Variants in LARP1B observed in about 807,000 individuals in gnomAD.
The protein encoded by LARP1B is La ribonucleoprotein 1B, also known as la-related protein 1B.
Under a neutral mutation model 114.2 loss-of-function variants are expected in LARP1B, and 76 were observed. That is an observed-to-expected ratio of 0.67 (90% CI 0.55 to 0.81). The LOEUF (loss-of-function observed/expected upper bound fraction) is 0.81. Ranked by LOEUF, LARP1B falls within the 30% of genes least tolerant of loss-of-function variation. The pLI is 0.00. For missense variants in LARP1B, 1,014 were observed against 1,075.8 expected (o/e 0.94, Z 0.80); for synonymous variants, 345 against 348.0 (o/e 0.99, Z 0.10).
At chr4:128,196,248 C>CAAAAAAAAAAA (rs35423896) in intron 15 of LARP1B, among the ~76,000 whole-genome samples, 4 of 88,610 alleles carry the variant, frequency 4.5e-5, no homozygotes, top group African/African-American at 8.8e-5. Flanking sequence ...GAGAGTCTGT[C>CAAAAAAAAAAA]AAAAAAAAAA....
intron 2 of LARP1B, 126 bp downstream of exon 2, chr4:128,074,644 T>A (rs1767086041): frequency 3.7e-6 from 1 of 272,184 alleles, no homozygotes; most frequent in African/African-American, 2.2e-5. Context: ...AAAGTTAATA[T>A]TATGGAAAAT....
intron 7 of LARP1B, among the ~76,000 whole-genome samples, chr4:128,094,149 A>T (rs1776976139): frequency 2.0e-5 from 3 of 147,484 alleles, no homozygotes; most frequent in African/African-American, 7.5e-5. Flanking sequence ...CTGGTCTCGA[A>T]CTCCTGACCT....
intron 15 of LARP1B, among the ~76,000 whole-genome samples, chr4:128,197,410 T>A (rs1359678742): frequency 6.6e-6 from 1 of 152,210 alleles, no homozygotes. Flanking sequence ...CTCATTTTTT[T>A]ATCAGCTGGG....
chr4:128,077,223 G>A (rs767552082), intron 3 of LARP1B, among the ~76,000 whole-genome samples: 16 of 152,174 alleles, frequency 1.1e-4, no homozygotes, highest in Admixed American at 2.6e-4. Context: ...GGAAGGCTGG[G>A]TGCAATGGGT....
intron 11 of LARP1B, among the ~76,000 whole-genome samples, chr4:128,161,229 T>G (rs546195182): frequency 6.6e-6 from 1 of 152,166 alleles, no homozygotes; most frequent in African/African-American, 2.4e-5. Context: ...GGTTCAACCT[T>G]TAGGGTTCAA....
intron 15 of LARP1B, among the ~76,000 whole-genome samples, chr4:128,192,623 A>G (rs1438940982): frequency 3.3e-5 from 5 of 152,178 alleles, no homozygotes; most frequent in South Asian, 2.1e-4. Flanking sequence ...TACTTGAGCT[A>G]TGGTTTTTAC....
intron 11 of LARP1B, among the ~76,000 whole-genome samples, chr4:128,153,352 T>C (rs1016368204): frequency 2.0e-5 from 3 of 150,722 alleles, no homozygotes; most frequent in Non-Finnish European, 2.9e-5. Context: ...ACTCTCAGTC[T>C]GTCGCCCAGG....
At chr4:128,114,513 T>G in intron 9 of LARP1B, 57 bp from the exon 10 acceptor site, 1 of 1,304,972 alleles carries the variant, frequency 7.7e-7, no homozygotes. Flanking sequence ...TGAAGTGTAT[T>G]TTGTAAGTAA....
At chr4:128,206,755 T>C (rs1335953453) in intron 18 of LARP1B, 2 of 985,258 alleles carry the variant, frequency 2.0e-6, no homozygotes, top group African/African-American at 3.5e-5. Context: ...CTTTCTTTTA[T>C]GGAGGTATAT....
At chr4:128,087,960 T>G (rs190601415) in intron 5 of LARP1B, among the ~76,000 whole-genome samples, 3 of 152,230 alleles carry the variant, frequency 2.0e-5, no homozygotes, top group East Asian at 1.9e-4. Flanking sequence ...AAGTAATGGA[T>G]TCTCATAATT....
Position 128,199,570 on chromosome 4 carries a change from A to G in LARP1B, c.2135A>G (p.Tyr712Cys). The change falls in exon 16 of 20, where the codon TAC becomes TGC. Residue 712 changes from tyrosine to cysteine, a missense_variant. Tyr to Cys is a radical substitution (Grantham distance 194). Transcript: ENST00000326639. Reference sequence around the variant, plus strand: ...GAAAATGGCTTTACCCAACAAGTGTACCACAAGTATCGTCGAAGATGCCTA... The same window carrying G: ...GAAAATGGCTTTACCCAACAAGTGTGCCACAAGTATCGTCGAAGATGCCTA... ...LKENGFTQQV[Y>C]HKYRRRCLSE... The G allele has an allele frequency of 6.3e-7, 1 of 1,579,760 alleles. No individual in the cohort carries two copies. Among genetic ancestry groups the G allele is most frequent in the South Asian group, 1.2e-5 (1 of 82,554 alleles).
chr4:128,140,675 A>G (rs1394071985), intron 11 of LARP1B, among the ~76,000 whole-genome samples: 1 of 152,172 alleles, frequency 6.6e-6, no homozygotes, highest in Non-Finnish European at 1.5e-5. Flanking sequence ...GCATTATTCT[A>G]GGAGACATAT....
At chr4:128,087,770 T>C (rs1191898749) in intron 5 of LARP1B, among the ~76,000 whole-genome samples, 1 of 152,126 alleles carries the variant, frequency 6.6e-6, no homozygotes, top group Non-Finnish European at 1.5e-5. Context: ...TCCCAGCTAC[T>C]TGGGAGGTTG....
chr4:128,214,153 C>G (rs1390231131), downstream of LARP1B, among the ~76,000 whole-genome samples: 1 of 140,414 alleles, frequency 7.1e-6, no homozygotes, highest in African/African-American at 2.6e-5. Flanking sequence ...GAGGGTCCTA[C>G]GCCCACGGAA....
chr4:128,165,052 A>G (rs1740167482), intron 12 of LARP1B, among the ~76,000 whole-genome samples: 1 of 152,128 alleles, frequency 6.6e-6, no homozygotes, highest in South Asian at 2.1e-4. Flanking sequence ...ATGCTATTAC[A>G]TAAAGTATAA....
intron 1 of LARP1B, among the ~76,000 whole-genome samples, chr4:128,064,988 A>T (rs1040123817): frequency 6.6e-6 from 1 of 152,172 alleles, no homozygotes; most frequent in Non-Finnish European, 1.5e-5. Context: ...CTTTAATTGC[A>T]AATGACCTGT....
intron 9 of LARP1B, chr4:128,108,612 G>A: frequency 1.0e-6 from 1 of 985,332 alleles, no homozygotes; most frequent in Non-Finnish European, 1.2e-6. Flanking sequence ...ACTTGGACAG[G>A]CATTTTAAAA....
rs118136168 is a variant in LARP1B, at chr4:128,150,351, G to A, written c.1525-11843G>A. Reference sequence around the variant, plus strand: ...TGTTGTGCCTAGGCTGGAATGCAGTGGTGAGATCATAGCGTACTGCAGCCT... The same window carrying A: ...TGTTGTGCCTAGGCTGGAATGCAGTAGTGAGATCATAGCGTACTGCAGCCT... On this transcript the variant is annotated intron_variant, in intron 11 of 19. Coordinates refer to ENST00000326639, the MANE Select transcript of LARP1B (RefSeq NM_018078.4). Among the ~76,000 whole-genome samples, 29 of 149,412 alleles carry A rather than the reference G, an allele frequency of 1.9e-4. No homozygotes were observed. The East Asian group carries it at 5.5e-3, about 28-fold the overall frequency.
chr4:128,119,972 C>T (rs2085958026), intron 10 of LARP1B, among the ~76,000 whole-genome samples: 1 of 152,106 alleles, frequency 6.6e-6, no homozygotes, highest in Non-Finnish European at 1.5e-5. Flanking sequence ...TTCTCTTAGA[C>T]TTTTATCATG....
Sources: gnomAD v4.1 joint callset for allele counts (sites outside exome capture counted in the v4.1 genomes callset) on GRCh38, gnomAD v4.1.1 for gene constraint, MANE v1.5 for transcripts, NCBI Gene and HGNC (gene_info 2026-07-23, HGNC 2026-07-21) for gene names.